Variants in NT5C3B observed in about 807,000 individuals in gnomAD.
NT5C3B encodes 7-methylguanosine phosphate-specific 5'-nucleotidase.
Under a neutral mutation model 32.5 loss-of-function variants are expected in NT5C3B, and 28 were observed. The observed-to-expected ratio is 0.86, with a 90% CI of 0.64 to 1.18. The LOEUF (loss-of-function observed/expected upper bound fraction) is 1.18, where lower values mean the gene tolerates loss of function less well. Among genes scored for constraint, NT5C3B ranks in the 50% most tolerant of loss-of-function variants. The pLI is 0.00. For synonymous variants in NT5C3B, 138 were observed against 118.0 expected (o/e 1.17, Z -1.10); for missense variants, 317 against 322.0 (o/e 0.98, Z 0.12).
intron 8 of NT5C3B, among the ~76,000 whole-genome samples, 180 bp downstream of exon 8, chr17:41,827,246 C>T (rs1322578559): frequency 6.6e-6 from 1 of 151,730 alleles, no homozygotes; most frequent in African/African-American, 2.4e-5. Flanking sequence ...TTGCAATGAG[C>T]TGAGATCATG....
At chr17:41,832,311 T>C in intron 5 of NT5C3B, 81 bp downstream of exon 5, 1 of 1,194,082 alleles carries the variant, frequency 8.4e-7, no homozygotes, top group Non-Finnish European at 1.2e-6. Context: ...TGTCATCTCA[T>C]CAAGGGTCTG....
In NT5C3B at chr17:41,835,961, T is replaced by G; in HGVS notation, c.13-4A>C. 6.3e-7 allele frequency: 1 copy of G among 1,578,462 alleles called. No individual in the cohort carries two copies. The highest frequency in any genetic ancestry group is 8.6e-7 in the Non-Finnish European group (1 of 1,162,442). On this transcript the variant is annotated splice_polypyrimidine_tract_variant and splice_region_variant and intron_variant, in intron 1 of 8. Coordinates refer to ENST00000435506, the MANE Select transcript of NT5C3B (RefSeq NM_052935.5). ...TGGCCTTCATCAGGGTGCTCACCTGTCCCGAGACCCGAGAGAACCACTGAC... is the reference window on the plus strand; with the variant it reads ...TGGCCTTCATCAGGGTGCTCACCTGGCCCGAGACCCGAGAGAACCACTGAC...
At position 41,835,249 on chromosome 17, in the gene NT5C3B, G is replaced by A. The variant is rs2048127242; in HGVS notation, c.135C>T (p.Thr45=). The part of the protein sequence containing the change: ...RLQVISDFDM[T]LSRFAYNGKR... ...TTCCATTATATGCAAACCTGCTCAA[G>A]GTCATGTCAAAATCAGAAATCACCT... The change falls in exon 3 of 9, where the codon ACC becomes ACT. Residue 45 remains threonine (T), a synonymous_variant. Coordinates refer to ENST00000435506, the MANE Select transcript of NT5C3B (RefSeq NM_052935.5). The A allele has an allele frequency of 6.2e-7, 1 of 1,613,994 alleles. No homozygotes were observed. The highest frequency in any genetic ancestry group is 1.1e-5 in the South Asian group (1 of 91,080).
intron 2 of NT5C3B, 173 bp from the exon 3 acceptor site, chr17:41,835,445 T>G: frequency 1.5e-6 from 1 of 655,476 alleles, no homozygotes; most frequent in South Asian, 1.8e-5. Context: ...TGATCCTAAT[T>G]AGTACCCGTT....
rs767634807 is a variant in NT5C3B at position 41,832,386 on chromosome 17, A to G, written c.314+6T>C. The G allele has an allele frequency of 5.7e-5, 92 of 1,612,418 alleles. No individual in the cohort carries two copies. Among genetic ancestry groups the G allele is most frequent in the Non-Finnish European group, 7.4e-5 (87 of 1,178,944 alleles). ...CCAGAAGCTTTTCTCCACCACCATC[A>G]CTCACCATTCCACCATATGAGGTAG... is the stretch of plus-strand genomic sequence containing the variant. On this transcript the variant is annotated splice_donor_region_variant and intron_variant, in intron 5 of 8. Transcript: ENST00000435506.
Position 41,831,223 on chromosome 17 carries a change from G to A in NT5C3B, c.315-333C>T, listed in dbSNP as rs139683718. On this transcript the variant is annotated intron_variant, in intron 5 of 8. Coordinates refer to ENST00000435506, the MANE Select transcript of NT5C3B (RefSeq NM_052935.5). ...AGTCCCAGCTACTTGGGAGGCTGAG[G>A]CTGGAGAATCACTTGAACCCAGGAG... 8.8e-4 allele frequency among the ~76,000 whole-genome samples: 134 copies of A among 151,540 alleles called. 2 individuals are homozygous for A. The highest frequency in any genetic ancestry group is 3.2e-3 in the African/African-American group (131 of 41,330).
At chr17:41,835,649 A>T in intron 2 of NT5C3B, 1 of 707,980 alleles carries the variant, frequency 1.4e-6, no homozygotes, top group Non-Finnish European at 2.6e-6. Context: ...CCTTCTGTCC[A>T]ATTAGAGGAA....
chr17:41,827,957 A>T (rs1555618442), intron 7 of NT5C3B, among the ~76,000 whole-genome samples: 1 of 152,034 alleles, frequency 6.6e-6, no homozygotes, highest in African/African-American at 2.4e-5. Context: ...TAAGTTTGTA[A>T]CTCCTAGTTT....
chr17:41,832,685 T>G, intron 4 of NT5C3B: 1 of 383,816 alleles, frequency 2.6e-6, no homozygotes, highest in Non-Finnish European at 4.9e-6. Flanking sequence ...CTGGCCAACA[T>G]GGCGAAACCC....
Position 41,827,606 on chromosome 17 carries a change from C to T in NT5C3B, c.588G>A (p.Lys196=), listed in dbSNP as rs577609114. ...FNEDGFLQGF[K]GQLIHTYNKN... ...TGTTGTATGTGTGTATGAGCTGGCC[C>T]TTAAATCCCTGGAGAAAACCCTAAA... Residue 196 remains lysine, a synonymous_variant, in exon 8 of 9, where the codon AAG becomes AAA. Transcript: ENST00000435506. 2.3e-6 allele frequency: 2 copies of T among 862,118 alleles called. No individual in the cohort carries two copies. The highest frequency in any genetic ancestry group is 1.3e-5 in the South Asian group (1 of 76,246). The allele number at this position is 862,118 out of a possible 1,614,324, so 53.4% of individuals were successfully genotyped here.
chr17:41,831,274 G>A (rs1360337763), intron 5 of NT5C3B, among the ~76,000 whole-genome samples: 6 of 148,880 alleles, frequency 4.0e-5, no homozygotes, highest in East Asian at 4.0e-4. Flanking sequence ...AGCCAAGATC[G>A]GGGCCACTGC....
At chr17:41,827,872 G>C (rs1180842591) in intron 7 of NT5C3B, among the ~76,000 whole-genome samples, 1 of 152,206 alleles carries the variant, frequency 6.6e-6, no homozygotes, top group Non-Finnish European at 1.5e-5. Flanking sequence ...TGCTATAAAG[G>C]CAAAGTTGGG....
rs782687036 is a variant in NT5C3B at position 41,828,938 on chromosome 17, G to C, written c.419C>G (p.Thr140Ser). The change falls in exon 7 of 9, where the codon ACC becomes AGC. Residue 140 changes from threonine (T) to serine (S), a missense_variant. Coordinates refer to ENST00000435506, the MANE Select transcript of NT5C3B (RefSeq NM_052935.5). ...GTTATGGTAGAGTGTGTTGAAGAAGGTCTTATATCCCTCCCTGAAAAGAGA... is the reference window on the plus strand; with the variant it reads ...GTTATGGTAGAGTGTGTTGAAGAAGCTCTTATATCCCTCCCTGAAAAGAGA... Reference protein sequence around the residue: ...SNAMLREGYKTFFNTLYHNNI... With the variant: ...SNAMLREGYKSFFNTLYHNNI... 1 of 1,610,200 alleles carries C rather than the reference G, an allele frequency of 6.2e-7. No homozygotes were observed. The highest frequency in any genetic ancestry group is 1.1e-5 in the South Asian group (1 of 90,832).
At chr17:41,828,693 C>T (rs782082786) in intron 7 of NT5C3B, 97 bp downstream of exon 7, 4 of 1,159,232 alleles carry the variant, frequency 3.5e-6, no homozygotes, top group African/African-American at 1.5e-5. Flanking sequence ...GGCTTCCCTC[C>T]CCTTCTTCCC....
chr17:41,830,247 G>A (rs964504969), intron 6 of NT5C3B, among the ~76,000 whole-genome samples: 4 of 152,134 alleles, frequency 2.6e-5, no homozygotes, highest in Admixed American at 6.6e-5. Flanking sequence ...GCGGTGGCTC[G>A]CGCCTGTAAT....
chr17:41,827,665 G>T (rs782403302), intron 7 of NT5C3B, 39 bp from the exon 8 acceptor site: 1 of 815,304 alleles, frequency 1.2e-6, no homozygotes, highest in Non-Finnish European at 2.2e-6. Context: ...AAGGGCTGCA[G>T]GGACCCATGT....
chr17:41,832,495 G>C lies in NT5C3B; in HGVS notation c.229-18C>G. ...GCTGTGAGCTGGGATATCCAAATGG[G>C]GAGAAAGGCCATTAGTCCATATCAA... On this transcript the variant is annotated intron_variant, in intron 4 of 8. Transcript: ENST00000435506. 6.2e-7 allele frequency: 1 copy of C among 1,604,882 alleles called. No individual in the cohort carries two copies. Among genetic ancestry groups the C allele is most frequent in the South Asian group, 1.1e-5 (1 of 90,856 alleles).
rs781946645 is a variant in NT5C3B at position 41,828,946 on chromosome 17, T to C, written c.411A>G (p.Gly137=). ...AGAGTGTGTTGAAGAAGGTCTTATA[T>C]CCCTCCCTGAAAAGAGATGGAGGAA... ...VRESNAMLRE[G]YKTFFNTLYH... Residue 137 remains glycine, a synonymous_variant, in exon 7 of 9, where the codon GGA becomes GGG. Coordinates refer to ENST00000435506, the MANE Select transcript of NT5C3B (RefSeq NM_052935.5). 37 of 1,607,450 alleles carry C rather than the reference T, an allele frequency of 2.3e-5. No individual in the cohort carries two copies. In the East Asian group the frequency reaches 7.6e-4, roughly 33 times the overall value.
At chr17:41,835,451 C>T in intron 2 of NT5C3B, 179 bp from the exon 3 acceptor site, 2 of 650,498 alleles carry the variant, frequency 3.1e-6, no homozygotes, top group South Asian at 3.6e-5. Context: ...TAATTAGTAC[C>T]CGTTAACCCT....
Sources: allele counts gnomAD v4.1 joint callset (sites outside exome capture counted in the v4.1 genomes callset), GRCh38; gene constraint gnomAD v4.1.1; transcripts MANE v1.5; gene names NCBI Gene and HGNC (gene_info 2026-07-23, HGNC 2026-07-21).